The following PARPBP variants were observed in gnomAD, a reference collection of about 807,000 sequenced individuals.
PARPBP encodes the protein PCNA-interacting partner.
In PARPBP, 52 loss-of-function variants were observed where a neutral mutation model predicts 50.0. The ratio of observed to expected loss-of-function variants is 1.04; its 90% CI spans 0.83 to 1.31. PARPBP has a LOEUF of 1.31. Among genes scored for constraint, PARPBP ranks in the 50% most tolerant of loss-of-function variants. The pLI is 0.00. For synonymous variants in PARPBP, 244 were observed against 232.1 expected (o/e 1.05, Z -0.47); for missense variants, 697 against 672.0 (o/e 1.04, Z -0.41).
At chr12:102,124,798 A>G (rs1413503813) in intron 2 of PARPBP, among the ~76,000 whole-genome samples, 1 of 152,198 alleles carries the variant, frequency 6.6e-6, no homozygotes, top group Non-Finnish European at 1.5e-5. Context: ...CTGATGAGTT[A>G]TTTTAATTTT....
Position 102,151,172 on chromosome 12 carries a change from G to A in PARPBP, c.388-2697G>A, listed in dbSNP as rs547135916. 2.1e-4 allele frequency among the ~76,000 whole-genome samples: 32 copies of A among 152,236 alleles called. No individual in the cohort carries two copies. In the South Asian group the frequency reaches 2.9e-3, roughly 14 times the overall value. ...GGGGGAATGACAGCAACTTGAATAC[G>A]TATAAATGTTAGGTACTTGGGAAAA... On this transcript the variant is annotated intron_variant, in intron 3 of 10. Transcript: ENST00000327680.
At chr12:102,176,075 T>A (rs1277060766) in intron 7 of PARPBP, among the ~76,000 whole-genome samples, 2 of 151,880 alleles carry the variant, frequency 1.3e-5, no homozygotes, top group African/African-American at 2.4e-5. Flanking sequence ...CTCTGCCTCC[T>A]GGGTTCAAGC....
intron 8 of PARPBP, among the ~76,000 whole-genome samples, chr12:102,180,123 A>G (rs1310579370): frequency 1.3e-5 from 2 of 152,182 alleles, no homozygotes; most frequent in Admixed American, 1.3e-4. Context: ...ACATGAAATA[A>G]TTCTTCCACA....
Position 102,175,536 on chromosome 12 carries a change from A to G in PARPBP, c.875A>G (p.Gln292Arg), listed in dbSNP as rs1889173880. ...SVIKMQLIKG[Q>R]NSRDPFCKAI... is the part of the protein sequence containing the mutation. Reference sequence around the variant, plus strand: ...ATAAAGATGCAACTGATTAAAGGCCAAAACAGCAGGGATCCTTTTTGCAAA... The same window carrying G: ...ATAAAGATGCAACTGATTAAAGGCCGAAACAGCAGGGATCCTTTTTGCAAA... The change falls in exon 7 of 11, where the codon CAA becomes CGA. Residue 292 changes from glutamine (Q) to arginine (R), a missense_variant. Coordinates refer to ENST00000327680, the MANE Select transcript of PARPBP (RefSeq NM_017915.5). 1.2e-6 allele frequency: 2 copies of G among 1,613,672 alleles called. No individual in the cohort carries two copies. The highest frequency in any genetic ancestry group is 1.7e-6 in the Non-Finnish European group (2 of 1,179,634).
intron 2 of PARPBP, among the ~76,000 whole-genome samples, chr12:102,127,937 A>G (rs1426599064): frequency 1.3e-5 from 2 of 152,210 alleles, no homozygotes; most frequent in Non-Finnish European, 2.9e-5. Flanking sequence ...TTTATCATGT[A>G]CAATATATTT....
chr12:102,175,659 C>T lies in PARPBP; in HGVS notation c.998C>T (p.Pro333Leu). Residue 333 changes from proline to leucine, a missense_variant, in exon 7 of 11, where the codon CCT becomes CTT. Coordinates refer to ENST00000327680, the MANE Select transcript of PARPBP (RefSeq NM_017915.5). ...GCTCTTAGCACCACTGACATCAGTC[C>T]TGCTCGGGTAATGAGCTTTTTATTT... ...VVALSTTDIS[P>L]ARPKSHAINH... is the part of the protein sequence containing the mutation. 1 of 1,590,346 alleles carries T rather than the reference C, an allele frequency of 6.3e-7. No individual in the cohort carries two copies. The highest frequency in any genetic ancestry group is 1.8e-5 in the Admixed American group (1 of 56,576).
chr12:102,144,315 C>T (rs1885065868), intron 2 of PARPBP, among the ~76,000 whole-genome samples: 1 of 152,130 alleles, frequency 6.6e-6, no homozygotes, highest in African/African-American at 2.4e-5. Flanking sequence ...TATTCTTGTG[C>T]AATACAATCC....
chr12:102,124,515 G>A (rs1433394211), intron 2 of PARPBP, among the ~76,000 whole-genome samples: 4 of 152,304 alleles, frequency 2.6e-5, no homozygotes, highest in African/African-American at 7.2e-5. Flanking sequence ...GATTTAAGCC[G>A]TAGATTAAGG....
chr12:102,178,833 T>C, intron 8 of PARPBP, 63 bp downstream of exon 8: 1 of 1,098,978 alleles, frequency 9.1e-7, no homozygotes, highest in Admixed American at 2.7e-5. Flanking sequence ...AAAAGAAATG[T>C]ATGCTTATGG....
rs919847822 is a variant in PARPBP, at chr12:102,142,332, C to A, written c.154-5898C>A. On this transcript the variant is annotated intron_variant, in intron 2 of 10. Coordinates refer to ENST00000327680, the MANE Select transcript of PARPBP (RefSeq NM_017915.5). ...AGTTCTCGTGCCATGGTTTTCAGCT[C>A]CATCAGGTCATTTAAGGTATTCTCT... Among the ~76,000 whole-genome samples, 2 of 152,198 alleles carry A rather than the reference C, an allele frequency of 1.3e-5. 1 individual carries two copies. The highest frequency in any genetic ancestry group is 1.3e-4 in the Admixed American group (2 of 15,280).
intron 2 of PARPBP, among the ~76,000 whole-genome samples, chr12:102,131,132 C>T (rs1433163859): frequency 2.0e-5 from 3 of 152,158 alleles, no homozygotes; most frequent in Non-Finnish European, 1.5e-5. Context: ...TGAGACCAAC[C>T]TGGCCAACAT....
chr12:102,175,570 G>A lies in PARPBP; in HGVS notation c.909G>A (p.Glu303=), dbSNP rs1202727643. ...NSRDPFCKAI[E]EVAQDLDLRI... ...GGGATCCTTTTTGCAAAGCAATAGA[G>A]GAAGTTGCTCAGGATTTGGATTTGA... The change falls in exon 7 of 11, where the codon GAG becomes GAA. Residue 303 remains glutamate, a synonymous_variant. Transcript: ENST00000327680. The A allele has an allele frequency of 2.5e-6, 4 of 1,612,600 alleles. No individual in the cohort carries two copies. The African/African-American group carries it at 4.0e-5, about 16-fold the overall frequency.
intron 9 of PARPBP, among the ~76,000 whole-genome samples, chr12:102,192,155 A>G (rs777142898): frequency 1.3e-5 from 2 of 152,166 alleles, no homozygotes; most frequent in Non-Finnish European, 2.9e-5. Flanking sequence ...TCCTAGGATC[A>G]TTGTAGAACT....
intron 2 of PARPBP, among the ~76,000 whole-genome samples, chr12:102,133,838 A>G (rs1389167918): frequency 6.6e-6 from 1 of 152,154 alleles, no homozygotes; most frequent in Non-Finnish European, 1.5e-5. Context: ...AACAGGAAGA[A>G]TTTGGAAAAT....
Position 102,195,479 on chromosome 12 carries a change from A to G in PARPBP, c.1399+32A>G, listed in dbSNP as rs577838089. 2.1e-5 allele frequency: 32 copies of G among 1,492,252 alleles called. No homozygotes were observed. The South Asian group carries it at 3.4e-4, about 16-fold the overall frequency. 92.4% of individuals were successfully genotyped at this position (1,492,252 alleles called of 1,614,324 possible). On this transcript the variant is annotated intron_variant, in intron 10 of 10. Transcript: ENST00000327680. ...GACCTTATTTGTGCAATTAAATAAC[A>G]ATTTAATTCTAGTCTACTAATTAGT...
At chr12:102,133,836 G>A (rs752639962) in intron 2 of PARPBP, among the ~76,000 whole-genome samples, 4 of 151,898 alleles carry the variant, frequency 2.6e-5, no homozygotes, top group Non-Finnish European at 4.4e-5. Context: ...GTAACAGGAA[G>A]AATTTGGAAA....
chr12:102,174,079 G>C (rs1363618555), intron 6 of PARPBP, among the ~76,000 whole-genome samples: 1 of 151,514 alleles, frequency 6.6e-6, no homozygotes, highest in Non-Finnish European at 1.5e-5. Context: ...CATCTCTTCT[G>C]TGTGCCAAAT....
intron 2 of PARPBP, among the ~76,000 whole-genome samples, chr12:102,136,376 T>C (rs1381482872): frequency 3.3e-5 from 5 of 152,246 alleles, no homozygotes; most frequent in Non-Finnish European, 7.3e-5. Context: ...GGAATCAGAC[T>C]ATATTCAAAT....
In PARPBP at chr12:102,196,551, A is replaced by G; in HGVS notation, c.*260A>G. 1 of 885,876 alleles carries G rather than the reference A, an allele frequency of 1.1e-6. No individual in the cohort carries two copies. Among genetic ancestry groups the G allele is most frequent in the Non-Finnish European group, 1.9e-6 (1 of 523,978 alleles). The allele number at this position is 885,876 out of a possible 1,614,324, so 54.9% of individuals were successfully genotyped here. On this transcript the variant is annotated 3_prime_UTR_variant, in exon 11 of 11. Transcript: ENST00000327680. ...AACACTACTTTCTTTTAAAACAGAC[A>G]TTTAACATACACAAGTTATAGTAGC...
Sources: allele counts gnomAD v4.1 joint callset (sites outside exome capture counted in the v4.1 genomes callset), GRCh38; gene constraint gnomAD v4.1.1; transcripts MANE v1.5; gene names NCBI Gene and HGNC (gene_info 2026-07-23, HGNC 2026-07-21).